STK40: variants seen among roughly 807,000 people sequenced by gnomAD.
The protein encoded by STK40 is serine/threonine kinase 40.
In STK40, 13 loss-of-function variants were observed where a neutral mutation model predicts 47.9. The ratio of observed to expected loss-of-function variants is 0.27; its 90% CI spans 0.18 to 0.43. The LOEUF (loss-of-function observed/expected upper bound fraction) is 0.43. Ranked by LOEUF, STK40 falls within the 20% of genes least tolerant of loss-of-function variation. STK40 has a pLI of 1.00. For synonymous variants in STK40, 225 were observed against 243.2 expected, an observed-to-expected ratio of 0.93 and a Z score of 0.69; for missense variants, 460 against 595.1, an observed-to-expected ratio of 0.77 and a Z score of 2.36.
chr1:36,345,551 C>T (rs1197423626), intron 7 of STK40, among the ~76,000 whole-genome samples: 1 of 152,184 alleles, frequency 6.6e-6, no homozygotes. Flanking sequence ...TGCCAAAGAG[C>T]AGCTGCGGTG....
intron 10 of STK40, 121 bp downstream of exon 10, chr1:36,343,243 G>A (rs768314251): frequency 8.9e-7 from 1 of 1,124,728 alleles, no homozygotes; most frequent in Non-Finnish European, 1.3e-6. Context: ...CAAGGCTGGG[G>A]AAGAAGACCA....
At chr1:36,350,981 G>A (rs564956119) in intron 6 of STK40, among the ~76,000 whole-genome samples, 8 of 152,306 alleles carry the variant, frequency 5.3e-5, no homozygotes, top group Middle Eastern at 3.4e-3. Context: ...ATGGCTCCCC[G>A]GGAGTCCCAG....
chr1:36,358,212 C>T lies in STK40; in HGVS notation c.342+27G>A, dbSNP rs79400389. On this transcript the variant is annotated intron_variant, in intron 4 of 10. Transcript: ENST00000373132. Reference sequence around the variant, plus strand: ...CCACAGAGCCAGCCAGAGGTGAGCGCGAAGGGTGAGGGGGAAGGCCGCTCA... The same window carrying T: ...CCACAGAGCCAGCCAGAGGTGAGCGTGAAGGGTGAGGGGGAAGGCCGCTCA... 6.0e-4 allele frequency: 936 copies of T among 1,557,834 alleles called. 4 individuals are homozygous for T. The African/African-American group carries it at 0.011, about 18-fold the overall frequency.
chr1:36,355,272 C>T lies in STK40; in HGVS notation c.504G>A (p.Arg168=), dbSNP rs929950485. The part of the protein sequence containing the change: ...NLQHYVIKEK[R]LSERETVVIF... The stretch of plus-strand genomic sequence containing the variant: ...TTACCACAGTCTCCCTCTCGCTGAG[C>T]CTCTTCTCCTTGATGACGTAGTGCT... Residue 168 remains arginine, a synonymous_variant, in exon 5 of 11, where the codon AGG becomes AGA. Transcript: ENST00000373132. 6.2e-7 allele frequency: 1 copy of T among 1,614,122 alleles called. No individual in the cohort carries two copies. The highest frequency in any genetic ancestry group is 8.5e-7 in the Non-Finnish European group (1 of 1,180,036).
At chr1:36,343,475 G>A in intron 9 of STK40, 27 bp from the exon 10 acceptor site, 2 of 1,601,854 alleles carry the variant, frequency 1.2e-6, no homozygotes, top group Non-Finnish European at 1.7e-6. Flanking sequence ...AGGTCAGGCT[G>A]GCCCCAGAGA....
At chr1:36,343,267 G>T in intron 10 of STK40, 97 bp downstream of exon 10, 1 of 1,317,038 alleles carries the variant, frequency 7.6e-7, no homozygotes, top group Non-Finnish European at 1.1e-6. Flanking sequence ...AAACTCTGTG[G>T]CCTGCGGGTA....
At chr1:36,354,745 G>A (rs1240824429) in intron 5 of STK40, among the ~76,000 whole-genome samples, 1 of 152,144 alleles carries the variant, frequency 6.6e-6, no homozygotes, top group African/African-American at 2.4e-5. Flanking sequence ...GGATCTGGGG[G>A]TCGGGGAGGA....
Position 36,340,330 on chromosome 1 carries a change from G to C in STK40, c.*1425C>G, listed in dbSNP as rs571692309. ...GGAAACTGAGGCACAAGGAGGTTTG[G>C]GAACTTGCCCAAGGTCACTCACAGT... On this transcript the variant is annotated 3_prime_UTR_variant, in exon 11 of 11. Transcript: ENST00000373132. 6.5e-6 allele frequency: 1 copy of C among 152,978 alleles called. No individual in the cohort carries two copies. The highest frequency in any genetic ancestry group is 1.9e-4 in the East Asian group (1 of 5,172). The allele number at this position is 152,978 out of a possible 1,614,324, so 9.5% of individuals were successfully genotyped here.
chr1:36,377,532 CAAAAAAA>C (rs746089027), intron 1 of STK40, among the ~76,000 whole-genome samples: 13 of 35,500 alleles, frequency 3.7e-4, no homozygotes, highest in Non-Finnish European at 7.8e-4. Flanking sequence ...GACTCCGTCT[CAAAAAAA>C]AAAAAAAAAA....
chr1:36,348,900 C>T (rs1048261656), intron 6 of STK40, 85 bp from the exon 7 acceptor site: 3 of 1,144,916 alleles, frequency 2.6e-6, no homozygotes, highest in African/African-American at 1.5e-5. Context: ...CTCACTGGGC[C>T]AACACCCAAT....
rs898483237 is a variant in STK40 at position 36,367,486 on chromosome 1, G to A, written c.-8-6146C>T. ...TCTCACCCTAAAGCTACCAGGCAAC[G>A]TGAGCCCAGATCTCCCAGCAAGGCA... On this transcript the variant is annotated intron_variant, in intron 1 of 10. Coordinates refer to ENST00000373132, the MANE Select transcript of STK40 (RefSeq NM_001282547.2). Among the ~76,000 whole-genome samples, 7 of 152,306 alleles carry A rather than the reference G, an allele frequency of 4.6e-5. No homozygotes were observed. In the South Asian group the frequency reaches 8.3e-4, roughly 18 times the overall value.
intron 5 of STK40, 89 bp from the exon 6 acceptor site, chr1:36,354,505 C>G (rs200365938): frequency 7.2e-7 from 1 of 1,397,932 alleles, no homozygotes. Flanking sequence ...TCCAGGTGTT[C>G]GAGAAGGCAG....
At chr1:36,355,126 C>T in intron 5 of STK40, 80 bp downstream of exon 5, 1 of 1,439,620 alleles carries the variant, frequency 6.9e-7, no homozygotes, top group Non-Finnish European at 9.7e-7. Flanking sequence ...GTGCACAGGA[C>T]AGAGCTGCCT....
At chr1:36,384,186 T>C (rs907780927) in intron 1 of STK40, among the ~76,000 whole-genome samples, 3 of 152,138 alleles carry the variant, frequency 2.0e-5, no homozygotes, top group Non-Finnish European at 2.9e-5. Context: ...TGTGCCACCA[T>C]GCCCAGCTAA....
chr1:36,358,130 G>T, intron 4 of STK40, 109 bp downstream of exon 4: 2 of 1,349,222 alleles, frequency 1.5e-6, no homozygotes, highest in Non-Finnish European at 1.9e-6. Flanking sequence ...AGCATGGCAG[G>T]GACACCCAAG....
intron 1 of STK40, among the ~76,000 whole-genome samples, chr1:36,375,072 A>T (rs1646980161): frequency 6.6e-6 from 1 of 152,190 alleles, no homozygotes; most frequent in African/African-American, 2.4e-5. Context: ...CATTCTGTCC[A>T]CTGTGTGACC....
chr1:36,379,170 T>A (rs1462156867), intron 1 of STK40, among the ~76,000 whole-genome samples: 1 of 152,234 alleles, frequency 6.6e-6, no homozygotes, highest in East Asian at 1.9e-4. Context: ...GAAGATCTTC[T>A]ATCTCTTTTG....
chr1:36,341,617 C>T lies in STK40; in HGVS notation c.*138G>A. Reference sequence around the variant, plus strand: ...GTACCTCTGCTGACCCCACGTGTGACCTGGGCTGTCCCTGTCCCTGCCCTG... The same window carrying T: ...GTACCTCTGCTGACCCCACGTGTGATCTGGGCTGTCCCTGTCCCTGCCCTG... On this transcript the variant is annotated 3_prime_UTR_variant, in exon 11 of 11. Coordinates refer to ENST00000373132, the MANE Select transcript of STK40 (RefSeq NM_001282547.2). 2 of 1,026,880 alleles carry T rather than the reference C, an allele frequency of 1.9e-6. No homozygotes were observed. Among genetic ancestry groups the T allele is most frequent in the Non-Finnish European group, 2.8e-6 (2 of 708,420 alleles). 63.6% of individuals were successfully genotyped at this position (1,026,880 alleles called of 1,614,324 possible). A position where few individuals can be genotyped will look rare whatever the true frequency, so the allele number is the denominator to read the frequency against.
At chr1:36,359,713 A>T (rs574885216) in intron 2 of STK40, among the ~76,000 whole-genome samples, 1 of 152,172 alleles carries the variant, frequency 6.6e-6, no homozygotes, top group Non-Finnish European at 1.5e-5. Flanking sequence ...ATGTTCACAG[A>T]CCCACTGCTC....
Sources: allele counts gnomAD v4.1 joint callset (sites outside exome capture counted in the v4.1 genomes callset), GRCh38; gene constraint gnomAD v4.1.1; transcripts MANE v1.5; gene names NCBI Gene and HGNC (gene_info 2026-07-23, HGNC 2026-07-21).